The following ABAT variants were observed in gnomAD, a reference collection of about 807,000 sequenced individuals.
ABAT encodes 4-aminobutyrate aminotransferase.
Under a neutral mutation model 64.6 loss-of-function variants are expected in ABAT, and 45 were observed. The ratio of observed to expected loss-of-function variants is 0.70; its 90% CI spans 0.55 to 0.89. The LOEUF is 0.89. ABAT is among the 40% of genes least tolerant of loss of function. The pLI is 0.00. For synonymous variants in ABAT, 297 were observed against 250.5 expected, an observed-to-expected ratio of 1.19 and a Z score of -1.75; for missense variants, 633 against 658.4, an observed-to-expected ratio of 0.96 and a Z score of 0.42.
chr16:8,719,641 T>A (rs931208035), intron 1 of ABAT, among the ~76,000 whole-genome samples: 1 of 152,086 alleles, frequency 6.6e-6, no homozygotes, highest in Non-Finnish European at 1.5e-5. Flanking sequence ...CATGTGCCAA[T>A]AGTCTTTAGC....
intron 1 of ABAT, among the ~76,000 whole-genome samples, chr16:8,674,985 CG>C (rs1409344456): frequency 6.6e-6 from 1 of 152,114 alleles, no homozygotes; most frequent in African/African-American, 2.4e-5. Flanking sequence ...AAATAGAATG[CG>C]GCCCCAAAAA....
At chr16:8,687,132 A>C (rs1247537438) in intron 1 of ABAT, among the ~76,000 whole-genome samples, 1 of 152,148 alleles carries the variant, frequency 6.6e-6, no homozygotes, top group East Asian at 1.9e-4. Flanking sequence ...AGAGGGAAAC[A>C]GTGACCCTGA....
chr16:8,710,731 G>GAGAGAGA (rs2058053643), intron 1 of ABAT, among the ~76,000 whole-genome samples: 4 of 48,104 alleles, frequency 8.3e-5, no homozygotes, highest in African/African-American at 2.0e-4. Flanking sequence ...AGAGAGAGAG[G>GAGAGAGA]AAATAGGCTC....
Position 8,768,973 on chromosome 16 carries a change from G to A in ABAT, c.816G>A (p.Glu272=). ...NQQEEARCLE[E]VEDLIVKYRK... The stretch of plus-strand genomic sequence containing the variant: ...AGGAGGAGGCCCGCTGTCTGGAAGA[G>A]GTAATGCTCATACCCTGCGGATCCT... Residue 272 remains glutamate (E), a splice_region_variant and synonymous_variant, in exon 11 of 16, where the codon GAG becomes GAA. Coordinates refer to ENST00000268251, the MANE Select transcript of ABAT (RefSeq NM_020686.6). 1.9e-6 allele frequency: 3 copies of A among 1,614,146 alleles called. No homozygotes were observed. Among genetic ancestry groups the A allele is most frequent in the Non-Finnish European group, 1.7e-6 (2 of 1,180,020 alleles).
At chr16:8,754,246 T>C (rs1228855556) in intron 5 of ABAT, among the ~76,000 whole-genome samples, 2 of 142,728 alleles carry the variant, frequency 1.4e-5, no homozygotes, top group Non-Finnish European at 3.0e-5. Flanking sequence ...TCCCAGCTAT[T>C]CGGGAGGCTG....
intron 1 of ABAT, among the ~76,000 whole-genome samples, chr16:8,732,860 T>C (rs1194119578): frequency 2.7e-5 from 4 of 150,180 alleles, no homozygotes; most frequent in Admixed American, 2.0e-4. Flanking sequence ...GGCTCCTCAC[T>C]TCCCAGTAGG....
intron 1 of ABAT, among the ~76,000 whole-genome samples, chr16:8,710,729 A>G (rs2058052726): frequency 7.2e-6 from 1 of 138,470 alleles, no homozygotes; most frequent in African/African-American, 2.7e-5. Flanking sequence ...AGAGAGAGAG[A>G]GGAAATAGGC....
intron 14 of ABAT, among the ~76,000 whole-genome samples, chr16:8,779,163 C>G (rs779532176): frequency 2.0e-5 from 3 of 152,200 alleles, no homozygotes; most frequent in Non-Finnish European, 1.5e-5. Context: ...CATTTAAATC[C>G]TTCAGTTTAT....
At chr16:8,777,547 T>C (rs1481595159) in intron 14 of ABAT, among the ~76,000 whole-genome samples, 1 of 152,130 alleles carries the variant, frequency 6.6e-6, no homozygotes, top group Non-Finnish European at 1.5e-5. Flanking sequence ...GCTGGTCACG[T>C]GGTCACTCCT....
chr16:8,694,270 G>A (rs562949796), intron 1 of ABAT, among the ~76,000 whole-genome samples: 9 of 149,574 alleles, frequency 6.0e-5, no homozygotes, highest in East Asian at 6.0e-4. Context: ...TGACCCGCCC[G>A]CCTCGGCCTT....
intron 2 of ABAT, among the ~76,000 whole-genome samples, chr16:8,742,972 G>A (rs1472389518): frequency 2.2e-5 from 3 of 136,492 alleles, no homozygotes; most frequent in South Asian, 2.4e-4. Context: ...GGAGTTCAAC[G>A]CCAGGCTGGG....
intron 5 of ABAT, among the ~76,000 whole-genome samples, chr16:8,755,484 G>A (rs998505666): frequency 1.7e-4 from 26 of 152,184 alleles, no homozygotes; most frequent in African/African-American, 4.3e-4. Flanking sequence ...AAATGAGGTC[G>A]GCTGCTGAGT....
chr16:8,733,007 C>T (rs1454077734), intron 1 of ABAT, among the ~76,000 whole-genome samples: 6 of 148,646 alleles, frequency 4.0e-5, no homozygotes, highest in South Asian at 2.1e-4. Context: ...CCGGACGGGG[C>T]GGCTGGCCTG....
chr16:8,694,844 C>G (rs1245892586), intron 1 of ABAT, among the ~76,000 whole-genome samples: 6 of 152,338 alleles, frequency 3.9e-5, no homozygotes, highest in African/African-American at 1.4e-4. Context: ...TGTGTCCTGG[C>G]AGAGAAGGAA....
At chr16:8,733,247 A>T (rs1161737577) in intron 1 of ABAT, among the ~76,000 whole-genome samples, 1 of 150,980 alleles carries the variant, frequency 6.6e-6, no homozygotes, top group African/African-American at 2.5e-5. Context: ...GGCCGGGCAG[A>T]GACGCTCCTC....
At chr16:8,717,568 T>C (rs1324399537) in intron 1 of ABAT, among the ~76,000 whole-genome samples, 1 of 152,150 alleles carries the variant, frequency 6.6e-6, no homozygotes, top group Non-Finnish European at 1.5e-5. Flanking sequence ...GATTTCTAAG[T>C]TACATTAATA....
At chr16:8,765,645 A>G (rs2059922286) in intron 8 of ABAT, 1 of 153,360 alleles carries the variant, frequency 6.5e-6, no homozygotes, top group African/African-American at 2.4e-5. Flanking sequence ...AACCTGAGAG[A>G]CACAGCAAGA....
At chr16:8,769,447 T>C (rs1239896074) in intron 11 of ABAT, among the ~76,000 whole-genome samples, 1 of 149,548 alleles carries the variant, frequency 6.7e-6, no homozygotes, top group African/African-American at 2.5e-5. Context: ...TAATCCCAGC[T>C]ACTAGGGAGG....
intron 1 of ABAT, among the ~76,000 whole-genome samples, chr16:8,683,965 A>G (rs112761193): frequency 3.9e-5 from 1 of 25,910 alleles, no homozygotes; most frequent in Admixed American, 2.8e-4. Flanking sequence ...TGAGAGAGAC[A>G]GAGAGAGAGA....
Sources: gnomAD v4.1 joint callset for allele counts (sites outside exome capture counted in the v4.1 genomes callset) on GRCh38, gnomAD v4.1.1 for gene constraint, MANE v1.5 for transcripts, NCBI Gene and HGNC (gene_info 2026-07-23, HGNC 2026-07-21) for gene names.